GRM3: variants seen among roughly 807,000 people sequenced by gnomAD.
GRM3 encodes the protein glutamate metabotropic receptor 3, also known as metabotropic glutamate receptor 3.
GRM3 carries 26 observed loss-of-function variants against 70.5 expected under a neutral mutation model. The ratio of observed to expected loss-of-function variants is 0.37; its 90% CI spans 0.27 to 0.51. The LOEUF (loss-of-function observed/expected upper bound fraction) is 0.51, where lower values mean the gene tolerates loss of function less well. Ranked by LOEUF, GRM3 falls within the 20% of genes least tolerant of loss-of-function variation. The pLI is 0.93. For missense variants in GRM3, 859 were observed against 1,123.8 expected, an observed-to-expected ratio of 0.76 and a Z score of 3.37; for synonymous variants, 443 against 434.9, an observed-to-expected ratio of 1.02 and a Z score of -0.23.
At chr7:86,844,688 G>A (rs150091775) in intron 4 of GRM3, among the ~76,000 whole-genome samples, 1 of 152,268 alleles carries the variant, frequency 6.6e-6, no homozygotes, top group Non-Finnish European at 1.5e-5. Flanking sequence ...TAACAATGGA[G>A]ATGGTTAGAA....
At chr7:86,843,141 G>A (rs2116748588) in intron 4 of GRM3, among the ~76,000 whole-genome samples, 1 of 152,268 alleles carries the variant, frequency 6.6e-6, no homozygotes, top group Non-Finnish European at 1.5e-5. Context: ...TGAAAGGCAA[G>A]AGGGAAACAA....
intron 4 of GRM3, among the ~76,000 whole-genome samples, chr7:86,844,920 G>A (rs963399377): frequency 1.3e-4 from 20 of 151,344 alleles, no homozygotes; most frequent in African/African-American, 3.9e-4. Context: ...ATGGAGTTTC[G>A]CTCTTGTCAC....
chr7:86,769,086 T>C (rs1796676819), intron 2 of GRM3, among the ~76,000 whole-genome samples: 1 of 152,092 alleles, frequency 6.6e-6, no homozygotes, highest in African/African-American at 2.4e-5. Context: ...GAGGGAAACA[T>C]TTTTGGAGAG....
chr7:86,860,224 T>C (rs2115612172), intron 5 of GRM3, among the ~76,000 whole-genome samples: 1 of 152,256 alleles, frequency 6.6e-6, no homozygotes, highest in South Asian at 2.1e-4. Flanking sequence ...CAGAAAAAGC[T>C]CATCACAAAC....
intron 2 of GRM3, among the ~76,000 whole-genome samples, chr7:86,773,951 G>T (rs574817497): frequency 6.6e-6 from 1 of 152,232 alleles, no homozygotes; most frequent in African/African-American, 2.4e-5. Context: ...GGATGGTCCA[G>T]GCTTACACTG....
rs548721266 is a variant in GRM3 at position 86,649,728 on chromosome 7, G to T, written c.-141+4856G>T. Among the ~76,000 whole-genome samples, 22 of 152,166 alleles carry T rather than the reference G, an allele frequency of 1.4e-4. No individual in the cohort carries two copies. The South Asian group carries it at 3.9e-3, about 27-fold the overall frequency. Reference sequence around the variant, plus strand: ...TATATATGTAGCATGGGAATATTAGGAGTATAAAATTTGAGAAGATTCCTC... The same window carrying T: ...TATATATGTAGCATGGGAATATTAGTAGTATAAAATTTGAGAAGATTCCTC... On this transcript the variant is annotated intron_variant, in intron 1 of 5. Coordinates refer to ENST00000361669, the MANE Select transcript of GRM3 (RefSeq NM_000840.3).
Position 86,644,839 on chromosome 7 carries a change from A to G in GRM3, c.-174A>G, listed in dbSNP as rs1188764891. 1 of 1,289,574 alleles carries G rather than the reference A, an allele frequency of 7.8e-7. No individual in the cohort carries two copies. The highest frequency in any genetic ancestry group is 1.0e-6 in the Non-Finnish European group (1 of 988,764). 79.9% of individuals were successfully genotyped at this position (1,289,574 alleles called of 1,614,324 possible). ...CACCGCCGCCGCTGCCACCGCGGTC[A>G]GCTCCAGTTCCTGCCAGGAGTTGTC... On this transcript the variant is annotated 5_prime_UTR_variant, in exon 1 of 6. Coordinates refer to ENST00000361669, the MANE Select transcript of GRM3 (RefSeq NM_000840.3).
intron 2 of GRM3, among the ~76,000 whole-genome samples, chr7:86,767,514 CATATATAT>C (rs3057233): frequency 0.052 from 5,190 of 99,664 alleles, 124 homozygotes; most frequent in Non-Finnish European, 0.057. Context: ...GGTCATACTT[CATATATAT>C]ATATATATAT....
intron 1 of GRM3, among the ~76,000 whole-genome samples, chr7:86,670,919 C>T (rs1794155540): frequency 6.6e-6 from 1 of 152,152 alleles, no homozygotes; most frequent in African/African-American, 2.4e-5. Context: ...TATATTACGT[C>T]CAAGACAAGG....
intron 1 of GRM3, among the ~76,000 whole-genome samples, chr7:86,709,275 A>G (rs964740015): frequency 6.6e-6 from 1 of 151,838 alleles, no homozygotes; most frequent in Non-Finnish European, 1.5e-5. Context: ...GAGTTCCCCT[A>G]ATTCACCCAA....
intron 1 of GRM3, among the ~76,000 whole-genome samples, chr7:86,664,566 A>T (rs1444574287): frequency 5.3e-5 from 8 of 151,970 alleles, no homozygotes; most frequent in Admixed American, 4.6e-4. Flanking sequence ...ACACTAAGAA[A>T]AACAAGCCAG....
chr7:86,693,855 C>T (rs934690351), intron 1 of GRM3, among the ~76,000 whole-genome samples: 2 of 152,138 alleles, frequency 1.3e-5, no homozygotes, highest in African/African-American at 4.8e-5. Flanking sequence ...TTCCTTTGAC[C>T]ACGGAAGAGC....
chr7:86,708,655 T>C (rs981623066), intron 1 of GRM3, among the ~76,000 whole-genome samples: 1 of 152,084 alleles, frequency 6.6e-6, no homozygotes, highest in Non-Finnish European at 1.5e-5. Flanking sequence ...CTTGGTGCTA[T>C]GCAAGAGCTT....
chr7:86,729,039 C>G (rs888176822), intron 1 of GRM3, among the ~76,000 whole-genome samples: 1 of 152,184 alleles, frequency 6.6e-6, no homozygotes, highest in Non-Finnish European at 1.5e-5. Context: ...TGTCTGCTTT[C>G]GTTCCACCTT....
chr7:86,653,838 G>A (rs1198958739), intron 1 of GRM3, among the ~76,000 whole-genome samples: 1 of 152,028 alleles, frequency 6.6e-6, no homozygotes, highest in African/African-American at 2.4e-5. Flanking sequence ...ACTAGTGTTT[G>A]AAGATTATCA....
intron 1 of GRM3, among the ~76,000 whole-genome samples, chr7:86,740,522 C>T (rs766037884): frequency 6.6e-6 from 1 of 152,032 alleles, no homozygotes; most frequent in African/African-American, 2.4e-5. Context: ...TAAGCCTAAC[C>T]AGAATAAAAA....
At chr7:86,696,017 TGTCAAAG>T (rs1794806797) in intron 1 of GRM3, among the ~76,000 whole-genome samples, 1 of 152,230 alleles carries the variant, frequency 6.6e-6, no homozygotes. Flanking sequence ...CTTTGTTTCC[TGTCAAAG>T]GTGGCTAACC....
intron 1 of GRM3, among the ~76,000 whole-genome samples, chr7:86,702,276 T>C (rs1406296926): frequency 1.3e-5 from 2 of 151,994 alleles, no homozygotes; most frequent in Non-Finnish European, 2.9e-5. Flanking sequence ...GTCTGAGACA[T>C]CATAGCCCTG....
chr7:86,740,574 T>C (rs986313147), intron 1 of GRM3, among the ~76,000 whole-genome samples: 3 of 152,176 alleles, frequency 2.0e-5, no homozygotes, highest in African/African-American at 7.2e-5. Flanking sequence ...TTCAGGATAA[T>C]GTAAACCCAA....
Sources: allele counts gnomAD v4.1 joint callset (sites outside exome capture counted in the v4.1 genomes callset), GRCh38; gene constraint gnomAD v4.1.1; transcripts MANE v1.5; gene names NCBI Gene and HGNC (gene_info 2026-07-23, HGNC 2026-07-21).